The following ITSN1 variants were observed in gnomAD, a reference collection of about 807,000 sequenced individuals.
The protein encoded by ITSN1 is intersectin-1.
In ITSN1, 58 loss-of-function variants were observed where a neutral mutation model predicts 239.8. The ratio of observed to expected loss-of-function variants is 0.24; its 90% CI spans 0.20 to 0.30. The LOEUF is 0.30. ITSN1 is among the 10% of genes least tolerant of loss of function. The pLI, the probability that ITSN1 is intolerant of heterozygous loss-of-function variation, is 1.00. For synonymous variants in ITSN1, 780 were observed against 770.8 expected (o/e 1.01, Z -0.20); for missense variants, 1,558 against 2,103.3 (o/e 0.74, Z 5.07).
chr21:33,852,593 A>G, intron 29 of ITSN1, among the ~76,000 whole-genome samples: 1 of 152,188 alleles, frequency 6.6e-6, no homozygotes, highest in African/African-American at 2.4e-5. Context: ...CCAGAAGGCC[A>G]TCACATCTCT....
At chr21:33,671,670 C>T (rs1334930829) in intron 1 of ITSN1, among the ~76,000 whole-genome samples, 3 of 151,530 alleles carry the variant, frequency 2.0e-5, no homozygotes, top group South Asian at 2.1e-4. Context: ...GGCATGGTGG[C>T]GCACGCCTGT....
chr21:33,650,297 G>GGCTTTAAC (rs2088393612), intron 1 of ITSN1, among the ~76,000 whole-genome samples: 1 of 152,116 alleles, frequency 6.6e-6, no homozygotes, highest in South Asian at 2.1e-4. Context: ...TTTAGTGTCA[G>GGCTTTAAC]GCTTTAACCA....
At chr21:33,694,881 C>T (rs1418831940) in intron 1 of ITSN1, among the ~76,000 whole-genome samples, 1 of 152,214 alleles carries the variant, frequency 6.6e-6, no homozygotes, top group African/African-American at 2.4e-5. Flanking sequence ...GTGGTGCAAT[C>T]ATGGTTCTCT....
At chr21:33,676,817 C>T (rs1160349741) in intron 1 of ITSN1, among the ~76,000 whole-genome samples, 1 of 152,010 alleles carries the variant, frequency 6.6e-6, no homozygotes, top group Non-Finnish European at 1.5e-5. Context: ...TGATGGTTTC[C>T]AGCTTCATCC....
At chr21:33,819,085 C>T (rs2073479755) in intron 23 of ITSN1, among the ~76,000 whole-genome samples, 156 bp from the exon 24 acceptor site, 2 of 152,154 alleles carry the variant, frequency 1.3e-5, no homozygotes, top group Non-Finnish European at 2.9e-5. Flanking sequence ...TCTGTAGTAC[C>T]TTATTATGTG....
chr21:33,805,752 A>G (rs62227755), intron 20 of ITSN1, among the ~76,000 whole-genome samples: 55,953 of 150,946 alleles, frequency 0.37, 11,339 homozygotes, highest in Non-Finnish European at 0.46. Context: ...GTTCCCTGCA[A>G]GCTCCGCCTC....
chr21:33,658,503 G>T (rs1428556293), intron 1 of ITSN1, among the ~76,000 whole-genome samples: 4 of 152,194 alleles, frequency 2.6e-5, no homozygotes, highest in African/African-American at 7.2e-5. Context: ...ATTTACAGTG[G>T]TATTTGTGTA....
intron 29 of ITSN1, among the ~76,000 whole-genome samples, chr21:33,854,678 T>C (rs1408518226): frequency 6.6e-6 from 1 of 152,196 alleles, no homozygotes; most frequent in Admixed American, 6.5e-5. Context: ...AGTTCATTGT[T>C]GGTGCAGCTG....
At chr21:33,781,609 C>G (rs1412213625) in intron 15 of ITSN1, 61 bp downstream of exon 15, 1 of 948,500 alleles carries the variant, frequency 1.1e-6, no homozygotes, top group African/African-American at 1.7e-5. Flanking sequence ...GACATGGAGT[C>G]TCACTCTGTC....
intron 1 of ITSN1, among the ~76,000 whole-genome samples, chr21:33,665,737 C>G (rs2146312460): frequency 6.6e-6 from 1 of 152,248 alleles, no homozygotes; most frequent in African/African-American, 2.4e-5. Flanking sequence ...AAATGTCCAT[C>G]AACTTTTGTG....
chr21:33,875,438 G>C lies in ITSN1; in HGVS notation c.4258G>C (p.Val1420Leu). ...LEKAEELCSQ[V>L]NEGVREKENS... Reference sequence around the variant, plus strand: ...GAAGGCGGAAGAGCTCTGTTCCCAGGTGAACGAAGGGGTGCGGGAGAAGGA... The same window carrying C: ...GAAGGCGGAAGAGCTCTGTTCCCAGCTGAACGAAGGGGTGCGGGAGAAGGA... The change falls in exon 34 of 40, where the codon GTG (valine) becomes CTG (leucine). Residue 1420 changes from valine (V) to leucine (L), a missense_variant. Val to Leu is a conservative substitution (Grantham distance 32, BLOSUM62 1). Transcript: ENST00000381318. 1 of 1,614,186 alleles carries C rather than the reference G, an allele frequency of 6.2e-7. No individual in the cohort carries two copies. The highest frequency in any genetic ancestry group is 8.5e-7 in the Non-Finnish European group (1 of 1,180,032).
At position 33,778,063 on chromosome 21, in the gene ITSN1, T is replaced by TA. The variant is rs550390668; in HGVS notation, c.1596+2956dup. Among the ~76,000 whole-genome samples the TA allele has an allele frequency of 2.1e-3, 314 of 152,342 alleles. 6 individuals are homozygous for TA. The highest frequency in any genetic ancestry group is 0.017 in the South Asian group (84 of 4,826). On this transcript the variant is annotated intron_variant, in intron 14 of 39. Coordinates refer to ENST00000381318, the MANE Select transcript of ITSN1 (RefSeq NM_003024.3). The stretch of plus-strand genomic sequence containing the variant: ...TGTTTTTTCTTTCTTATTTTGTTAA[T>TA]ATGATGAAGTACATGGTTGCCATTT...
intron 8 of ITSN1, 49 bp downstream of exon 8, chr21:33,755,446 A>C (rs1024427673): frequency 9.8e-7 from 1 of 1,023,608 alleles, no homozygotes; most frequent in Non-Finnish European, 1.5e-6. Context: ...TTTCAATGTA[A>C]ACTGTTTCTA....
At chr21:33,700,083 T>C (rs58251281) in intron 1 of ITSN1, among the ~76,000 whole-genome samples, 1,971 of 150,892 alleles carry the variant, frequency 0.013, 48 homozygotes, top group African/African-American at 0.045. Flanking sequence ...TTTTTGTTGT[T>C]GTTTTGTTTT....
chr21:33,788,299 C>T (rs1397351998), intron 16 of ITSN1, among the ~76,000 whole-genome samples: 1 of 152,188 alleles, frequency 6.6e-6, no homozygotes, highest in African/African-American at 2.4e-5. Context: ...ACACCTTGCT[C>T]CAATCTCCCT....
At chr21:33,702,728 T>C (rs1303484925) in intron 1 of ITSN1, among the ~76,000 whole-genome samples, 1 of 152,242 alleles carries the variant, frequency 6.6e-6, no homozygotes, top group East Asian at 1.9e-4. Flanking sequence ...ACATTGGAAC[T>C]GAAATAACAA....
At position 33,865,409 on chromosome 21, in the gene ITSN1, T is replaced by C; in HGVS notation, c.4074+75T>C. ...GGCAGCTGGATGTGTGAGGGGCTAA[T>C]TCAAAAGTCTGCAAGAGTGTTCCCA... On this transcript the variant is annotated intron_variant, in intron 32 of 39. Coordinates refer to ENST00000381318, the MANE Select transcript of ITSN1 (RefSeq NM_003024.3). The surrounding 1 kb of genome is among the most constrained non-coding windows in gnomAD (Gnocchi z 4.4). 1 of 1,239,114 alleles carries C rather than the reference T, an allele frequency of 8.1e-7. No homozygotes were observed. Among genetic ancestry groups the C allele is most frequent in the South Asian group, 1.6e-5 (1 of 63,226 alleles). The allele number at this position is 1,239,114 out of a possible 1,614,324, so 76.8% of individuals were successfully genotyped here.
chr21:33,719,217 G>T (rs2065341004), intron 2 of ITSN1, among the ~76,000 whole-genome samples: 1 of 152,134 alleles, frequency 6.6e-6, no homozygotes, highest in African/African-American at 2.4e-5. Flanking sequence ...GAGGCTGGTG[G>T]ATCACCTGAG....
chr21:33,741,894 CA>C (rs57036929), intron 5 of ITSN1, among the ~76,000 whole-genome samples: 1,209 of 74,082 alleles, frequency 0.016, 2 homozygotes, highest in South Asian at 0.021. Context: ...GATTCCGTCT[CA>C]AAAAAAAAAA....
Sources: allele counts gnomAD v4.1 joint callset (sites outside exome capture counted in the v4.1 genomes callset), GRCh38; gene constraint gnomAD v4.1.1; non-coding constraint Gnocchi (gnomAD v3.1); transcripts MANE v1.5; gene names NCBI Gene and HGNC (gene_info 2026-07-23, HGNC 2026-07-21).